Variants in CTSH observed in about 807,000 individuals in gnomAD.
CTSH encodes the protein cathepsin H.
CTSH carries 52 observed loss-of-function variants against 56.3 expected under a neutral mutation model. The ratio of observed to expected loss-of-function variants is 0.92; its 90% CI spans 0.74 to 1.16. The LOEUF (loss-of-function observed/expected upper bound fraction) is 1.16, where lower values mean the gene tolerates loss of function less well. CTSH is among the 50% of genes most tolerant of loss of function. The pLI is 0.00. For missense variants in CTSH, 406 were observed against 424.5 expected, an observed-to-expected ratio of 0.96 and a Z score of 0.38; for synonymous variants, 174 against 155.7, an observed-to-expected ratio of 1.12 and a Z score of -0.88.
intron 3 of CTSH, chr15:78,936,913 G>A: frequency 6.0e-6 from 1 of 166,500 alleles, no homozygotes; most frequent in Non-Finnish European, 1.3e-5. Flanking sequence ...ACAGGCGTGA[G>A]CCACCGCGCC....
chr15:78,935,112 A>T (rs1353156266), intron 4 of CTSH, 30 bp from the exon 5 acceptor site: 2 of 1,485,316 alleles, frequency 1.3e-6, no homozygotes, highest in Admixed American at 1.7e-5. Flanking sequence ...TATTTTCAGG[A>T]AAATAAACAA....
At chr15:78,935,833 T>G (rs2055162777) in intron 3 of CTSH, 83 bp from the exon 4 acceptor site, 1 of 954,494 alleles carries the variant, frequency 1.0e-6, no homozygotes, top group African/African-American at 1.6e-5. Flanking sequence ...TGAAACCTCC[T>G]GTTTACCTGT....
At chr15:78,924,102 G>GGGGGGGGGGGGGGCA (rs2054840615) in intron 10 of CTSH, among the ~76,000 whole-genome samples, 1 of 126,522 alleles carries the variant, frequency 7.9e-6, no homozygotes, top group African/African-American at 3.2e-5. Context: ...CCAGCGGGGG[G>GGGGGGGGGGGGGGCA]GGGGGGGAGG....
intron 5 of CTSH, among the ~76,000 whole-genome samples, chr15:78,932,988 C>T (rs1014875622): frequency 2.6e-5 from 4 of 152,220 alleles, no homozygotes; most frequent in African/African-American, 4.8e-5. Flanking sequence ...TCCCCAAACC[C>T]TAGCCCAGTG....
chr15:78,942,170 A>G (rs989001026), intron 1 of CTSH, among the ~76,000 whole-genome samples: 2 of 150,784 alleles, frequency 1.3e-5, no homozygotes, highest in Non-Finnish European at 2.9e-5. Context: ...ATCCAATCCC[A>G]TGGTGCTCTA....
At chr15:78,936,045 C>T (rs2055167139) in intron 3 of CTSH, among the ~76,000 whole-genome samples, 1 of 152,138 alleles carries the variant, frequency 6.6e-6, no homozygotes, top group Non-Finnish European at 1.5e-5. Flanking sequence ...TTAGATACTC[C>T]CCTCGTGAGT....
At chr15:78,929,682 G>A (rs148855239) in intron 7 of CTSH, among the ~76,000 whole-genome samples, 189 bp from the exon 8 acceptor site, 3 of 152,224 alleles carry the variant, frequency 2.0e-5, no homozygotes, top group South Asian at 2.1e-4. Flanking sequence ...TGAGGCCACC[G>A]GAGTCCAAGG....
rs540580469 is a variant in CTSH, at chr15:78,921,947, G to A, written c.*183C>T. On this transcript the variant is annotated 3_prime_UTR_variant, in exon 12 of 12. Coordinates refer to ENST00000220166, the MANE Select transcript of CTSH (RefSeq NM_004390.5). ...CTGGTGATCTTTGCGTCATAGACAC[G>A]GGTGAGCTCATGGTGGAACTCCTCC... 2 of 600,026 alleles carry A rather than the reference G, an allele frequency of 3.3e-6. No homozygotes were observed. Among genetic ancestry groups the A allele is most frequent in the Admixed American group, 2.9e-5 (1 of 34,536 alleles). 37.2% of individuals were successfully genotyped at this position (600,026 alleles called of 1,614,324 possible).
chr15:78,922,243 TC>T, intron 11 of CTSH, 38 bp from the exon 12 acceptor site: 1 of 1,517,718 alleles, frequency 6.6e-7, no homozygotes, highest in Middle Eastern at 2.0e-4. Flanking sequence ...GCCGGCGGTC[TC>T]CCCACCACAG....
rs189322005 is a variant in CTSH at position 78,930,451 on chromosome 15, C to T, written c.549-958G>A. On this transcript the variant is annotated intron_variant, in intron 7 of 11. Transcript: ENST00000220166. ...CTGAGGCAGGAGAATGGGGTGAACCCGGGAGGCGGAGCTTGCAGTGAGCTG... is the reference window on the plus strand; with the variant it reads ...CTGAGGCAGGAGAATGGGGTGAACCTGGGAGGCGGAGCTTGCAGTGAGCTG... 3.5e-3 allele frequency among the ~76,000 whole-genome samples: 536 copies of T among 152,078 alleles called. 1 individual carries two copies. The highest frequency in any genetic ancestry group is 0.01 in the Middle Eastern group (3 of 294).
rs1334553703 is a variant in CTSH at position 78,937,233 on chromosome 15, C to T, written c.229+85G>A. Reference sequence around the variant, plus strand: ...TCAGAGCCTGGGCTTCTGCTCCCTCCACCCACCAGCCCCCAGCGGGCCCTT... The same window carrying T: ...TCAGAGCCTGGGCTTCTGCTCCCTCTACCCACCAGCCCCCAGCGGGCCCTT... On this transcript the variant is annotated intron_variant, in intron 3 of 11. Transcript: ENST00000220166. 8 of 1,108,442 alleles carry T rather than the reference C, an allele frequency of 7.2e-6. No homozygotes were observed. The African/African-American group carries it at 7.7e-5, about 11-fold the overall frequency. The allele number at this position is 1,108,442 out of a possible 1,614,324, so 68.7% of individuals were successfully genotyped here.
chr15:78,936,012 G>A (rs947068991), intron 3 of CTSH, among the ~76,000 whole-genome samples: 1 of 152,066 alleles, frequency 6.6e-6, no homozygotes, highest in Non-Finnish European at 1.5e-5. Context: ...TTGGTCTGGG[G>A]TGGGGCCTGG....
chr15:78,931,590 G>A (rs375658311), intron 6 of CTSH, 84 bp from the exon 7 acceptor site: 13 of 1,607,916 alleles, frequency 8.1e-6, no homozygotes, highest in African/African-American at 8.0e-5. Flanking sequence ...CCCTGGCTGA[G>A]CCACATCTGA....
chr15:78,922,165 C>T lies in CTSH; in HGVS notation c.973G>A (p.Ala325Thr), dbSNP rs867757744. ...IERGKNMCGL[A>T]ACASYPIPLV ...GGGATGGGGTAGGAGGCGCAGGCAG[C>T]CAGGCCACACATGTTCTTTCCGCGC... The change falls in exon 12 of 12, where the codon GCT becomes ACT. Residue 325 changes from alanine (A) to threonine (T), a missense_variant. Transcript: ENST00000220166. The T allele has an allele frequency of 1.9e-6, 3 of 1,582,198 alleles. No homozygotes were observed. In the Admixed American group the frequency reaches 5.4e-5, roughly 29 times the overall value.
chr15:78,930,128 G>T (rs1412384970), intron 7 of CTSH, among the ~76,000 whole-genome samples: 1 of 152,208 alleles, frequency 6.6e-6, no homozygotes, highest in Non-Finnish European at 1.5e-5. Context: ...TTCCAGTTCT[G>T]CTGAGCGCTG....
At chr15:78,939,461 A>G (rs2055243521) in intron 1 of CTSH, among the ~76,000 whole-genome samples, 1 of 152,218 alleles carries the variant, frequency 6.6e-6, no homozygotes, top group African/African-American at 2.4e-5. Context: ...GATGCTGCTC[A>G]TATCCTGTTT....
At chr15:78,934,236 A>G (rs1353979147) in intron 5 of CTSH, among the ~76,000 whole-genome samples, 1 of 152,218 alleles carries the variant, frequency 6.6e-6, no homozygotes, top group Non-Finnish European at 1.5e-5. Context: ...AAGTGAAAAA[A>G]CATTTCTCAT....
chr15:78,931,623 G>A, intron 6 of CTSH, 117 bp from the exon 7 acceptor site: 1 of 1,568,686 alleles, frequency 6.4e-7, no homozygotes, highest in Non-Finnish European at 8.6e-7. Context: ...GCTGTGTCAA[G>A]GTGACCAAAT....
chr15:78,932,690 G>GC lies in CTSH; in HGVS notation c.406-233dup, dbSNP rs1010511655. On this transcript the variant is annotated intron_variant, in intron 5 of 11. Transcript: ENST00000220166. Reference sequence around the variant, plus strand: ...TCCAGATCCATTCATTCTGAGCCTCGCAAGTCCTGAGAGGCTTGCAAAGGA... The same window carrying GC: ...TCCAGATCCATTCATTCTGAGCCTCGCCAAGTCCTGAGAGGCTTGCAAAGGA... Among the ~76,000 whole-genome samples, 3 of 151,890 alleles carry GC rather than the reference G, an allele frequency of 2.0e-5. 1 individual carries two copies. The highest frequency in any genetic ancestry group is 2.4e-5 in the African/African-American group (1 of 41,272).
Sources: gnomAD v4.1 joint callset for allele counts (sites outside exome capture counted in the v4.1 genomes callset) on GRCh38, gnomAD v4.1.1 for gene constraint, MANE v1.5 for transcripts, NCBI Gene and HGNC (gene_info 2026-07-23, HGNC 2026-07-21) for gene names.